Variants in AFAP1 observed in about 807,000 individuals in gnomAD.
The protein encoded by AFAP1 is actin filament-associated protein 1.
AFAP1 carries 75 observed loss-of-function variants against 93.9 expected under a neutral mutation model. The ratio of observed to expected loss-of-function variants is 0.80; its 90% confidence interval spans 0.66 to 0.97. The LOEUF is 0.97. Among genes scored for constraint, AFAP1 ranks in the 50% least tolerant of loss-of-function variants. The pLI, the probability that AFAP1 is intolerant of heterozygous loss-of-function variation, is 0.00. For missense variants in AFAP1, 1,201 were observed against 1,050.8 expected (o/e 1.14, Z -1.98); for synonymous variants, 517 against 430.7 (o/e 1.20, Z -2.48).
At position 7,760,920 on chromosome 4, in the gene AFAP1, T is replaced by TAA. The variant is rs1237073990; in HGVS notation, c.*2843_*2844dup. On this transcript the variant is annotated 3_prime_UTR_variant, in exon 18 of 18. Transcript: ENST00000420658. ...AGCCCCTGTGAACACGACCATCTGC[T>TAA]AAGTACCAGTGACATTGCGAAGAAA... 1 of 152,260 alleles carries TAA rather than the reference T, an allele frequency of 6.6e-6. No homozygotes were observed. Among genetic ancestry groups the TAA allele is most frequent in the Non-Finnish European group, 1.5e-5 (1 of 68,048 alleles). The allele number at this position is 152,260 out of a possible 1,614,324, so 9.4% of individuals were successfully genotyped here.
intron 4 of AFAP1, among the ~76,000 whole-genome samples, chr4:7,845,033 A>G (rs561494310): frequency 6.6e-6 from 1 of 152,352 alleles, no homozygotes; most frequent in South Asian, 2.1e-4. Flanking sequence ...TGTACTCAGT[A>G]ATCATGTTTG....
At chr4:7,906,844 A>G (rs1430161301) in intron 1 of AFAP1, among the ~76,000 whole-genome samples, 1 of 152,222 alleles carries the variant, frequency 6.6e-6, no homozygotes, top group Non-Finnish European at 1.5e-5. Context: ...AATATGGCGA[A>G]GCCCCATCTC....
chr4:7,895,605 C>T (rs960365202), intron 1 of AFAP1, among the ~76,000 whole-genome samples: 24 of 149,592 alleles, frequency 1.6e-4, no homozygotes, highest in African/African-American at 4.6e-4. Context: ...ACAAGTCACT[C>T]GAGTTTTTTA....
intron 6 of AFAP1, among the ~76,000 whole-genome samples, chr4:7,834,916 C>A (rs910483636): frequency 1.3e-5 from 2 of 150,288 alleles, no homozygotes; most frequent in Non-Finnish European, 3.0e-5. Context: ...CTGCGGGCAG[C>A]CTTAAGGTTA....
chr4:7,901,071 T>C (rs956294234), intron 1 of AFAP1, among the ~76,000 whole-genome samples: 3 of 152,334 alleles, frequency 2.0e-5, no homozygotes, highest in South Asian at 4.1e-4. Flanking sequence ...GCACTTTCTA[T>C]GTATAACAGC....
intron 4 of AFAP1, among the ~76,000 whole-genome samples, chr4:7,853,436 C>T (rs1405165066): frequency 3.3e-5 from 5 of 152,140 alleles, no homozygotes; most frequent in Admixed American, 2.6e-4. Flanking sequence ...CAGGGACTGC[C>T]GCAGCTCACG....
chr4:7,837,345 G>A (rs1443968963), intron 6 of AFAP1, among the ~76,000 whole-genome samples: 2 of 152,158 alleles, frequency 1.3e-5, no homozygotes, highest in Non-Finnish European at 2.9e-5. Context: ...GGTCATGAGG[G>A]CAGAGCCCCC....
Position 7,819,100 on chromosome 4 carries a change from CG to C in AFAP1, c.797del (p.Pro266ArgfsTer37). 1 of 1,613,316 alleles carries C rather than the reference CG, an allele frequency of 6.2e-7. No individual in the cohort carries two copies. The highest frequency in any genetic ancestry group is 1.1e-5 in the South Asian group (1 of 90,894). ...DSECPPPPSSPVHKAELEKKL... is the reference protein window; with the variant it reads ...DSECPPPPSSXVHKAELEKKL... ...CCTTCTCCAGTTCTGCCTTGTGCAC[CG>C]GGGAGCTTGGTGGAGGAGGACACTC... On this transcript the variant is annotated frameshift_variant, in exon 7 of 18. Coordinates refer to ENST00000420658, the MANE Select transcript of AFAP1 (RefSeq NM_001134647.2). LOFTEE classifies it high-confidence loss of function.
At chr4:7,866,030 G>A (rs1716359201) in intron 3 of AFAP1, among the ~76,000 whole-genome samples, 1 of 152,142 alleles carries the variant, frequency 6.6e-6, no homozygotes, top group Non-Finnish European at 1.5e-5. Flanking sequence ...CCAAGTAGCT[G>A]GGACTACGGG....
At chr4:7,782,738 G>A (rs1716897797) in intron 12 of AFAP1, among the ~76,000 whole-genome samples, 1 of 152,184 alleles carries the variant, frequency 6.6e-6, no homozygotes. Flanking sequence ...CTTTCTGCCA[G>A]ACGGTAATTA....
At position 7,873,308 on chromosome 4, in the gene AFAP1, T is replaced by C. The variant is rs146556331; in HGVS notation, c.-2-1228A>G. ...TCTTTGAGAAAGCAGTAAAAAATAA[T>C]GGCTTTTCTTAAATCTAACCTTTGA... On this transcript the variant is annotated intron_variant, in intron 1 of 17. Coordinates refer to ENST00000420658, the MANE Select transcript of AFAP1 (RefSeq NM_001134647.2). Among the ~76,000 whole-genome samples, 191 of 142,256 alleles carry C rather than the reference T, an allele frequency of 1.3e-3. 2 individuals are homozygous for C. The highest frequency in any genetic ancestry group is 4.8e-3 in the African/African-American group (186 of 38,470). 93.3% of individuals were successfully genotyped at this position (142,256 alleles called of 152,430 possible).
chr4:7,778,344 A>G, intron 14 of AFAP1: 1 of 274,184 alleles, frequency 3.6e-6, no homozygotes, highest in South Asian at 3.8e-5. Context: ...AGCTATTCCA[A>G]CCGCACCAAC....
chr4:7,890,281 A>C (rs1450962505), intron 1 of AFAP1, among the ~76,000 whole-genome samples: 1 of 152,228 alleles, frequency 6.6e-6, no homozygotes, highest in Non-Finnish European at 1.5e-5. Context: ...AATGGGGAAA[A>C]AAAACAGTCC....
chr4:7,786,744 C>G (rs1229359471), intron 11 of AFAP1, among the ~76,000 whole-genome samples: 1 of 152,232 alleles, frequency 6.6e-6, no homozygotes, highest in Non-Finnish European at 1.5e-5. Flanking sequence ...AGCTTGTGTT[C>G]ATAATAAAGT....
At chr4:7,850,398 G>A (rs1714300271) in intron 4 of AFAP1, among the ~76,000 whole-genome samples, 1 of 152,138 alleles carries the variant, frequency 6.6e-6, no homozygotes, top group South Asian at 2.1e-4. Flanking sequence ...CATAACATCA[G>A]AAATGCCATT....
chr4:7,905,198 A>T (rs934340362), intron 1 of AFAP1, among the ~76,000 whole-genome samples: 1 of 152,218 alleles, frequency 6.6e-6, no homozygotes, highest in Non-Finnish European at 1.5e-5. Context: ...CAAGATGCAT[A>T]CATGTGTCTT....
At chr4:7,854,414 C>T (rs1714808065) in intron 4 of AFAP1, among the ~76,000 whole-genome samples, 1 of 152,204 alleles carries the variant, frequency 6.6e-6, no homozygotes, top group African/African-American at 2.4e-5. Context: ...GGCCTGGCTT[C>T]TCCACAGCCC....
intron 4 of AFAP1, among the ~76,000 whole-genome samples, chr4:7,850,209 T>G (rs955237623): frequency 2.5e-4 from 38 of 152,152 alleles, no homozygotes; most frequent in Admixed American, 2.3e-3. Flanking sequence ...TCTCTGAGAG[T>G]TACTATGAGG....
chr4:7,938,527 T>C (rs550885134), intron 1 of AFAP1, among the ~76,000 whole-genome samples: 5 of 152,240 alleles, frequency 3.3e-5, no homozygotes, highest in Admixed American at 3.3e-4. Flanking sequence ...GGTCTTCCCA[T>C]CAAGCTGAGG....
Sources: allele counts gnomAD v4.1 joint callset (sites outside exome capture counted in the v4.1 genomes callset), GRCh38; gene constraint gnomAD v4.1.1; transcripts MANE v1.5; gene names NCBI Gene and HGNC (gene_info 2026-07-23, HGNC 2026-07-21).